The following LAMA2 variants were observed in gnomAD, a reference collection of about 807,000 sequenced individuals.
The protein encoded by LAMA2 is laminin subunit alpha-2.
LAMA2 carries 269 observed loss-of-function variants against 364.8 expected under a neutral mutation model. The ratio of observed to expected loss-of-function variants is 0.74; its 90% CI spans 0.67 to 0.82. The LOEUF is 0.82. Ranked by LOEUF, LAMA2 falls within the 40% of genes least tolerant of loss-of-function variation. The probability of loss-of-function intolerance (pLI) is 0.00; values close to 1 mark genes in which losing one functional copy is unlikely to be tolerated. For synonymous variants in LAMA2, 1,379 were observed against 1,370.6 expected, an observed-to-expected ratio of 1.01 and a Z score of -0.14; for missense variants, 3,807 against 3,873.2, an observed-to-expected ratio of 0.98 and a Z score of 0.45.
intron 52 of LAMA2, 92 bp from the exon 53 acceptor site, chr6:129,475,298 T>G: frequency 1.3e-6 from 1 of 787,198 alleles, no homozygotes; most frequent in Non-Finnish European, 2.0e-6. Flanking sequence ...TAAAGATTTA[T>G]GATTAAAGTT....
intron 1 of LAMA2, 27 bp from the exon 2 acceptor site, chr6:129,049,891 A>G: frequency 6.2e-7 from 1 of 1,605,796 alleles, no homozygotes; most frequent in Non-Finnish European, 8.5e-7. Flanking sequence ...TCTGGTCTAC[A>G]CACCTTCATT....
chr6:129,048,969 T>G (rs979518880), intron 1 of LAMA2, among the ~76,000 whole-genome samples: 2 of 152,034 alleles, frequency 1.3e-5, no homozygotes, highest in Non-Finnish European at 2.9e-5. Context: ...GGCACATATA[T>G]AGAGCTGAAA....
chr6:129,101,254 C>T (rs1455962588), intron 4 of LAMA2, among the ~76,000 whole-genome samples: 2 of 152,108 alleles, frequency 1.3e-5, no homozygotes, highest in Admixed American at 6.5e-5. Context: ...ATGGGAAAAC[C>T]AGCAACAACT....
chr6:129,086,789 A>G (rs1774412010), intron 3 of LAMA2, among the ~76,000 whole-genome samples: 2 of 152,232 alleles, frequency 1.3e-5, no homozygotes, highest in South Asian at 4.1e-4. Context: ...GTAGTCTGAC[A>G]CAAGTCTCAC....
chr6:129,375,574 A>C (rs1171287837), intron 34 of LAMA2, among the ~76,000 whole-genome samples: 1 of 152,224 alleles, frequency 6.6e-6, no homozygotes, highest in East Asian at 1.9e-4. Context: ...CCTTCTTAAC[A>C]TACTGTCCTC....
chr6:128,928,868 TTG>T, intron 1 of LAMA2: 6 of 656,284 alleles, frequency 9.1e-6, no homozygotes, highest in Non-Finnish European at 1.4e-5. Context: ...AAAGTGGACT[TTG>T]TGAGAGAATA....
At chr6:129,349,257 T>C (rs1776725180) in intron 30 of LAMA2, 41 bp from the exon 31 acceptor site, 1 of 1,468,368 alleles carries the variant, frequency 6.8e-7, no homozygotes. Flanking sequence ...ATAAAATAAA[T>C]GGATTAAACT....
chr6:128,971,376 T>C (rs1043196401), intron 1 of LAMA2, among the ~76,000 whole-genome samples: 2 of 152,190 alleles, frequency 1.3e-5, no homozygotes, highest in African/African-American at 4.8e-5. Flanking sequence ...ATGAGTACTT[T>C]CGCAGAAACA....
At chr6:129,010,470 C>G (rs1784697991) in intron 1 of LAMA2, among the ~76,000 whole-genome samples, 1 of 152,166 alleles carries the variant, frequency 6.6e-6, no homozygotes, top group South Asian at 2.1e-4. Context: ...TTTCACTAAT[C>G]TAGAAAATTC....
At chr6:129,516,161 G>A in intron 64 of LAMA2, 29 bp from the exon 65 acceptor site, 1 of 1,613,460 alleles carries the variant, frequency 6.2e-7, no homozygotes, top group Non-Finnish European at 8.5e-7. Flanking sequence ...ACATTTCAAA[G>A]CTGAGCCCTC....
chr6:129,162,892 A>G (rs1027234709), intron 8 of LAMA2, among the ~76,000 whole-genome samples: 356 of 148,688 alleles, frequency 2.4e-3, no homozygotes, highest in African/African-American at 8.7e-3. Flanking sequence ...GAGAACTAGG[A>G]GGGGGGGGAA....
chr6:129,398,949 T>G (rs962197332), intron 37 of LAMA2, among the ~76,000 whole-genome samples: 2 of 152,188 alleles, frequency 1.3e-5, no homozygotes, highest in African/African-American at 4.8e-5. Flanking sequence ...CTGATAAACA[T>G]AAGTTGTTTA....
At chr6:129,111,547 T>A (rs1776157807) in intron 4 of LAMA2, among the ~76,000 whole-genome samples, 1 of 152,004 alleles carries the variant, frequency 6.6e-6, no homozygotes, top group Non-Finnish European at 1.5e-5. Context: ...AATATTTGAC[T>A]ATTTTAGTCC....
At chr6:129,190,410 T>C (rs1187787238) in intron 11 of LAMA2, 65 bp downstream of exon 11, 2 of 1,519,932 alleles carry the variant, frequency 1.3e-6, no homozygotes, top group African/African-American at 2.7e-5. Flanking sequence ...TTCATCGTTG[T>C]TCTTTTGTAT....
intron 27 of LAMA2, 96 bp from the exon 28 acceptor site, chr6:129,320,442 A>T: frequency 1.2e-6 from 1 of 814,712 alleles, no homozygotes. Flanking sequence ...TGAGGTTGAC[A>T]AAAACGTGAG....
At chr6:129,057,288 A>C (rs1324196799) in intron 2 of LAMA2, among the ~76,000 whole-genome samples, 1 of 152,178 alleles carries the variant, frequency 6.6e-6, no homozygotes, top group Non-Finnish European at 1.5e-5. Context: ...CAGGGTTCAC[A>C]TCCAAGATGT....
chr6:129,211,009 G>A (rs528567882), intron 12 of LAMA2, among the ~76,000 whole-genome samples: 1 of 152,260 alleles, frequency 6.6e-6, no homozygotes, highest in East Asian at 1.9e-4. Flanking sequence ...GGCCTCATCT[G>A]TGGTTTCCCC....
intron 48 of LAMA2, among the ~76,000 whole-genome samples, chr6:129,458,355 C>T (rs1783075879): frequency 6.6e-6 from 1 of 151,900 alleles, no homozygotes; most frequent in South Asian, 2.1e-4. Context: ...TTCTATCAGT[C>T]TCAGAAAAAG....
intron 1 of LAMA2, among the ~76,000 whole-genome samples, chr6:128,965,323 A>G (rs1376667092): frequency 4.6e-5 from 7 of 152,174 alleles, no homozygotes; most frequent in South Asian, 2.1e-4. Context: ...AATGATGGCT[A>G]TGTCAGTGTC....
Sources: allele counts gnomAD v4.1 joint callset (sites outside exome capture counted in the v4.1 genomes callset), GRCh38; gene constraint gnomAD v4.1.1; transcripts MANE v1.5; gene names NCBI Gene and HGNC (gene_info 2026-07-23, HGNC 2026-07-21).